DLG2: variants seen among roughly 807,000 people sequenced by gnomAD.
DLG2 encodes the protein disks large homolog 2.
Under a neutral mutation model 132.5 loss-of-function variants are expected in DLG2, and 45 were observed. The observed-to-expected ratio is 0.34, with a 90% CI of 0.27 to 0.44. The LOEUF (loss-of-function observed/expected upper bound fraction) is 0.44. Among genes scored for constraint, DLG2 ranks in the 20% least tolerant of loss-of-function variants. The pLI, the probability that DLG2 is intolerant of heterozygous loss-of-function variation, is 1.00. For missense variants in DLG2, 1,045 were observed against 1,196.9 expected (o/e 0.87, Z 1.87); for synonymous variants, 424 against 419.6 (o/e 1.01, Z -0.13).
intron 7 of DLG2, among the ~76,000 whole-genome samples, chr11:84,451,785 A>G (rs987239462): frequency 1.3e-5 from 2 of 151,866 alleles, no homozygotes; most frequent in Admixed American, 6.6e-5. Flanking sequence ...TAGTGATACA[A>G]GCTAAAGAGA....
chr11:85,320,749 G>T (rs2081006562), intron 3 of DLG2, among the ~76,000 whole-genome samples: 1 of 151,794 alleles, frequency 6.6e-6, no homozygotes, highest in Non-Finnish European at 1.5e-5. Context: ...TAGGAAAAGG[G>T]AACAGAGGGT....
At chr11:84,720,479 C>T (rs892850806) in intron 6 of DLG2, 5 of 985,128 alleles carry the variant, frequency 5.1e-6, no homozygotes, top group Non-Finnish European at 4.8e-6. Flanking sequence ...CAGCCTAGAC[C>T]GAGCTGCCGC....
At chr11:84,929,012 A>G (rs1239644816) in intron 6 of DLG2, among the ~76,000 whole-genome samples, 2 of 131,554 alleles carry the variant, frequency 1.5e-5, no homozygotes, top group South Asian at 4.9e-4. Context: ...ATATATATAT[A>G]TATATATATA....
intron 2 of DLG2, among the ~76,000 whole-genome samples, chr11:85,602,624 T>C (rs765309566): frequency 1.8e-4 from 27 of 151,964 alleles, no homozygotes; most frequent in Non-Finnish European, 3.2e-4. Context: ...CTAAACCCAA[T>C]AGCCAAAAAT....
intron 6 of DLG2, among the ~76,000 whole-genome samples, chr11:84,700,455 A>C (rs557192108): frequency 2.2e-4 from 33 of 151,822 alleles, no homozygotes; most frequent in South Asian, 1.0e-3. Flanking sequence ...TGCAGAATAA[A>C]ATTATTCTGT....
chr11:84,035,606 C>T (rs2095843819), intron 11 of DLG2, among the ~76,000 whole-genome samples: 1 of 152,114 alleles, frequency 6.6e-6, no homozygotes, highest in Non-Finnish European at 1.5e-5. Flanking sequence ...TAGCCAGGGG[C>T]TGGCAAACTA....
At chr11:83,518,855 A>AAGTT (rs1181728000) in intron 21 of DLG2, among the ~76,000 whole-genome samples, 1 of 152,260 alleles carries the variant, frequency 6.6e-6, no homozygotes, top group East Asian at 1.9e-4. Flanking sequence ...TAAAAAAAAG[A>AAGTT]AGTTTGTTCC....
At chr11:85,251,343 A>G (rs1221607460) in intron 4 of DLG2, among the ~76,000 whole-genome samples, 2 of 152,192 alleles carry the variant, frequency 1.3e-5, no homozygotes, top group Admixed American at 1.3e-4. Flanking sequence ...TATACTTAAT[A>G]ATGTAGCACA....
chr11:85,411,873 A>G (rs1454319084), intron 3 of DLG2, among the ~76,000 whole-genome samples: 1 of 151,862 alleles, frequency 6.6e-6, no homozygotes, highest in East Asian at 1.9e-4. Context: ...AATAAGAAAA[A>G]GCCCTCCACT....
chr11:85,057,234 T>C, intron 6 of DLG2, among the ~76,000 whole-genome samples: 1 of 151,590 alleles, frequency 6.6e-6, no homozygotes, highest in East Asian at 1.9e-4. Flanking sequence ...CAGTAACAAA[T>C]AATATATAAA....
intron 7 of DLG2, among the ~76,000 whole-genome samples, chr11:84,499,375 T>C (rs1266908345): frequency 3.9e-5 from 6 of 152,176 alleles, no homozygotes; most frequent in African/African-American, 1.2e-4. Flanking sequence ...TAGCTCAAAT[T>C]TGCACAGGAC....
At chr11:85,343,936 G>T (rs1440875067) in intron 3 of DLG2, among the ~76,000 whole-genome samples, 2 of 152,116 alleles carry the variant, frequency 1.3e-5, no homozygotes, top group Non-Finnish European at 2.9e-5. Context: ...GATGCAGAAT[G>T]GAAGTAATAA....
intron 21 of DLG2, among the ~76,000 whole-genome samples, chr11:83,512,695 ACAACAGGCCCTGGTGTGTGATGTTCCCT>A (rs1278117579): frequency 6.9e-6 from 1 of 144,472 alleles, no homozygotes; most frequent in Non-Finnish European, 1.5e-5. Flanking sequence ...CCCCCACCCC[ACAACAGGCCCTGGTGTGTGATGTTCCCT>A]TTCCTGTGTC....
intron 18 of DLG2, among the ~76,000 whole-genome samples, chr11:83,742,821 C>G (rs545186068): frequency 1.3e-5 from 2 of 152,122 alleles, no homozygotes; most frequent in Non-Finnish European, 2.9e-5. Flanking sequence ...CATTATCTGG[C>G]CCTAATCTAC....
chr11:84,025,326 T>C (rs1668297500), intron 11 of DLG2, among the ~76,000 whole-genome samples: 1 of 152,086 alleles, frequency 6.6e-6, no homozygotes, highest in Non-Finnish European at 1.5e-5. Flanking sequence ...GTAAAACTAC[T>C]AGATCTCTTG....
rs2081518213 is a variant in DLG2 at position 83,936,688 on chromosome 11, GC to G, written c.1341-6206del. On this transcript the variant is annotated intron_variant, in intron 14 of 27. Coordinates refer to ENST00000376104, the MANE Select transcript of DLG2 (RefSeq NM_001142699.3). ...TTAAAGTTGTTTTGAATATTAAGAT[GC>G]TTTATTTCCTTAAAAAGTGTTTGGG... Among the ~76,000 whole-genome samples the G allele has an allele frequency of 2.6e-5, 4 of 152,194 alleles. No homozygotes were observed. In the South Asian group the frequency reaches 8.3e-4, roughly 32 times the overall value.
At chr11:83,997,788 C>T (rs115574546) in intron 11 of DLG2, among the ~76,000 whole-genome samples, 2,316 of 121,310 alleles carry the variant, frequency 0.019, 76 homozygotes, top group African/African-American at 0.065. Flanking sequence ...AATAGTCCCT[C>T]ATACAAACAG....
At chr11:84,534,143 A>T (rs985972708) in intron 7 of DLG2, among the ~76,000 whole-genome samples, 5 of 152,164 alleles carry the variant, frequency 3.3e-5, no homozygotes, top group Admixed American at 6.5e-5. Flanking sequence ...TGATTAGACA[A>T]TTCACACATT....
intron 8 of DLG2, among the ~76,000 whole-genome samples, chr11:84,235,773 G>T (rs1020791468): frequency 6.6e-6 from 1 of 151,732 alleles, no homozygotes; most frequent in Non-Finnish European, 1.5e-5. Context: ...CGAGAGGCAG[G>T]GTAGTATAAT....
Sources: allele counts gnomAD v4.1 joint callset (sites outside exome capture counted in the v4.1 genomes callset), GRCh38; gene constraint gnomAD v4.1.1; transcripts MANE v1.5; gene names NCBI Gene and HGNC (gene_info 2026-07-23, HGNC 2026-07-21).